The following LARGE1 variants were observed in gnomAD, a reference collection of about 807,000 sequenced individuals.
LARGE1 encodes the protein xylosyl- and glucuronyltransferase LARGE1.
Under a neutral mutation model 87.6 loss-of-function variants are expected in LARGE1, and 43 were observed. The observed-to-expected ratio is 0.49, with a 90% CI of 0.38 to 0.63. The LOEUF (loss-of-function observed/expected upper bound fraction) is 0.63, where lower values mean the gene tolerates loss of function less well. Among genes scored for constraint, LARGE1 ranks in the 30% least tolerant of loss-of-function variants. The pLI is 0.00. For synonymous variants in LARGE1, 434 were observed against 394.6 expected (o/e 1.10, Z -1.18); for missense variants, 802 against 1,000.2 (o/e 0.80, Z 2.67).
In LARGE1 at chr22:33,903,035, G is replaced by A. The variant is rs577305082; in HGVS notation, c.-83+16960C>T. ...TAATCCCAGCTACTCGGGAGGCTGA[G>A]GGAGGAGACACGCTTGAACCCGGGA... On this transcript the variant is annotated intron_variant, in intron 1 of 14. Coordinates refer to ENST00000397394, the MANE Select transcript of LARGE1 (RefSeq NM_133642.5). Among the ~76,000 whole-genome samples, 7 of 152,324 alleles carry A rather than the reference G, an allele frequency of 4.6e-5. No homozygotes were observed. The East Asian group carries it at 1.3e-3, about 29-fold the overall frequency.
At chr22:33,367,932 G>A (rs1186007906) in intron 9 of LARGE1, among the ~76,000 whole-genome samples, 1 of 152,076 alleles carries the variant, frequency 6.6e-6, no homozygotes, top group East Asian at 1.9e-4. Context: ...TTAGAACCAT[G>A]AGTAATGTAA....
At chr22:33,173,658 T>C (rs1242999311) in intron 11 of LARGE1, among the ~76,000 whole-genome samples, 1 of 137,866 alleles carries the variant, frequency 7.3e-6, no homozygotes, top group African/African-American at 2.8e-5. Context: ...ACTGAGCAAA[T>C]AGAAAGAAAA....
chr22:33,821,238 G>A (rs999908916), intron 1 of LARGE1, among the ~76,000 whole-genome samples: 3 of 152,070 alleles, frequency 2.0e-5, no homozygotes, highest in Non-Finnish European at 4.4e-5. Context: ...CACAGACGAT[G>A]TTGGTTATCT....
intron 6 of LARGE1, among the ~76,000 whole-genome samples, chr22:33,560,529 C>T (rs1254242082): frequency 6.6e-6 from 1 of 152,176 alleles, no homozygotes; most frequent in African/African-American, 2.4e-5. Flanking sequence ...CTTCCAAAAG[C>T]TTCAGATTAT....
rs1930809621 is a variant in LARGE1 at position 33,283,228 on chromosome 22, C to T, written c.1851G>A (p.Leu617=). 2.0e-5 allele frequency: 32 copies of T among 1,614,058 alleles called. No individual in the cohort carries two copies. The highest frequency in any genetic ancestry group is 2.5e-5 in the Non-Finnish European group (30 of 1,180,046). The part of the protein sequence containing the change: ...PKSKAELLSM[L]DMGTLFTFRY... ...TGAATGTGAAGAGGGTCCCCATGTC[C>T]AGCATTGACAGCAACTCCGCTTTTG... The change falls in exon 13 of 15, where the codon CTG becomes CTA. Residue 617 remains leucine, a synonymous_variant. Transcript: ENST00000397394.
At chr22:33,348,524 A>C (rs1443274327) in intron 9 of LARGE1, among the ~76,000 whole-genome samples, 5 of 152,122 alleles carry the variant, frequency 3.3e-5, no homozygotes, top group Admixed American at 3.3e-4. Context: ...ACTTGACTGG[A>C]TCATGGTGTG....
chr22:33,710,777 A>G (rs1408872977), intron 2 of LARGE1, among the ~76,000 whole-genome samples: 3 of 152,212 alleles, frequency 2.0e-5, no homozygotes, highest in East Asian at 1.9e-4. Flanking sequence ...GTCGTCCTAC[A>G]CATTAGAGAA....
the LARGE1 span, among the ~76,000 whole-genome samples, chr22:33,098,518 G>T: frequency 6.6e-6 from 1 of 152,136 alleles, no homozygotes; most frequent in Non-Finnish European, 1.5e-5. Context: ...CTACTCGGGA[G>T]GCTGAGGCAG....
intron 6 of LARGE1, among the ~76,000 whole-genome samples, chr22:33,538,015 A>C (rs952697860): frequency 1.3e-5 from 2 of 152,194 alleles, no homozygotes; most frequent in Non-Finnish European, 2.9e-5. Context: ...AGAGTGCCCA[A>C]CCCCTTGCAG....
chr22:33,177,167 C>G (rs1227721928), intron 11 of LARGE1, among the ~76,000 whole-genome samples: 1 of 151,942 alleles, frequency 6.6e-6, no homozygotes, highest in Non-Finnish European at 1.5e-5. Context: ...GGCTGGGGGA[C>G]TAGGGGAGGG....
chr22:33,544,670 A>C, intron 6 of LARGE1, among the ~76,000 whole-genome samples: 1 of 143,050 alleles, frequency 7.0e-6, no homozygotes, highest in African/African-American at 2.6e-5. Flanking sequence ...CAAACAGAGC[A>C]AGACCCTGTC....
the LARGE1 span, among the ~76,000 whole-genome samples, chr22:33,094,801 C>T: frequency 6.6e-6 from 1 of 152,252 alleles, no homozygotes; most frequent in Non-Finnish European, 1.5e-5. Flanking sequence ...TCACTGCAAC[C>T]TCCACCTCCT....
intron 10 of LARGE1, among the ~76,000 whole-genome samples, chr22:33,333,095 C>A (rs1355030381): frequency 6.6e-6 from 1 of 151,336 alleles, no homozygotes; most frequent in Non-Finnish European, 1.5e-5. Context: ...CAAGCTCTGC[C>A]TCCCGGGTTC....
chr22:33,170,423 T>A (rs1257470300), intron 11 of LARGE1, among the ~76,000 whole-genome samples: 1 of 152,100 alleles, frequency 6.6e-6, no homozygotes, highest in Non-Finnish European at 1.5e-5. Flanking sequence ...AGAGCTAGCT[T>A]GATATGGTTT....
At chr22:33,784,130 G>T (rs1248653890) in intron 1 of LARGE1, among the ~76,000 whole-genome samples, 1 of 152,086 alleles carries the variant, frequency 6.6e-6, no homozygotes, top group East Asian at 1.9e-4. Flanking sequence ...TAATTAGAAT[G>T]GCTTTTCGTT....
chr22:33,799,359 T>C (rs2086084828), intron 1 of LARGE1, among the ~76,000 whole-genome samples: 1 of 152,142 alleles, frequency 6.6e-6, no homozygotes, highest in Non-Finnish European at 1.5e-5. Context: ...AAAGCCATAA[T>C]CCATGTGGTG....
At chr22:33,903,427 T>A (rs1003349967) in intron 1 of LARGE1, among the ~76,000 whole-genome samples, 1 of 152,060 alleles carries the variant, frequency 6.6e-6, no homozygotes, top group East Asian at 1.9e-4. Context: ...ATAGATGGAA[T>A]TCCACCATTC....
intron 6 of LARGE1, among the ~76,000 whole-genome samples, chr22:33,519,525 G>A (rs918949590): frequency 9.2e-5 from 14 of 151,940 alleles, no homozygotes; most frequent in African/African-American, 2.2e-4. Context: ...ACTGGCTCCC[G>A]AAGACACCCA....
intron 7 of LARGE1, among the ~76,000 whole-genome samples, chr22:33,388,944 C>T (rs983039384): frequency 7.2e-5 from 11 of 152,120 alleles, no homozygotes; most frequent in African/African-American, 2.7e-4. Flanking sequence ...TTTGCCAGGC[C>T]CTTTTGTGGA....
Sources: gnomAD v4.1 joint callset for allele counts (sites outside exome capture counted in the v4.1 genomes callset) on GRCh38, gnomAD v4.1.1 for gene constraint, MANE v1.5 for transcripts, NCBI Gene and HGNC (gene_info 2026-07-23, HGNC 2026-07-21) for gene names.